Variants in MYT1L observed in about 807,000 individuals in gnomAD.
The protein encoded by MYT1L is myelin transcription factor 1 like, also known as myelin transcription factor 1-like protein.
MYT1L carries 12 observed loss-of-function variants against 126.7 expected under a neutral mutation model. The ratio of observed to expected loss-of-function variants is 0.09; its 90% CI spans 0.06 to 0.15. The LOEUF is 0.15. Ranked by LOEUF, MYT1L falls within the 10% of genes least tolerant of loss-of-function variation. MYT1L has a pLI of 1.00. For missense variants in MYT1L, 979 were observed against 1,585.2 expected (o/e 0.62, Z 6.49); for synonymous variants, 541 against 604.2 (o/e 0.90, Z 1.53).
chr2:2,227,383 G>A (rs144535346), intron 2 of MYT1L, among the ~76,000 whole-genome samples: 30 of 152,204 alleles, frequency 2.0e-4, no homozygotes, highest in Middle Eastern at 3.4e-3. Context: ...AAGCTTCCCC[G>A]TCCACAGTGG....
chr2:2,173,760 G>A (rs1004609158), intron 2 of MYT1L, among the ~76,000 whole-genome samples: 13 of 152,182 alleles, frequency 8.5e-5, no homozygotes, highest in Non-Finnish European at 1.5e-4. Context: ...ATTAAAGTGC[G>A]TCTATGGCAA....
intron 3 of MYT1L, among the ~76,000 whole-genome samples, chr2:2,068,588 A>G (rs1056864699): frequency 2.0e-5 from 3 of 152,276 alleles, no homozygotes; most frequent in Non-Finnish European, 4.4e-5. Context: ...GTAAATAAAC[A>G]TATTGCTAAA....
intron 2 of MYT1L, among the ~76,000 whole-genome samples, chr2:2,234,054 T>C (rs1046366184): frequency 6.6e-6 from 1 of 152,248 alleles, no homozygotes; most frequent in South Asian, 2.1e-4. Flanking sequence ...ACTATGAAAG[T>C]CTATTCAGTG....
In MYT1L at chr2:2,206,596, T is replaced by C. The variant is rs1324304815; in HGVS notation, c.-420-33608A>G. 2.0e-5 allele frequency among the ~76,000 whole-genome samples: 3 copies of C among 152,192 alleles called. No homozygotes were observed. In the East Asian group the frequency reaches 5.8e-4, roughly 29 times the overall value. On this transcript the variant is annotated intron_variant, in intron 2 of 24. Transcript: ENST00000647738. The stretch of plus-strand genomic sequence containing the variant: ...CTGGAATAACTCAGAATCTCAAAAA[T>C]GAAATTAAAACATGGAAATGCATAA...
chr2:1,914,651 G>T (rs1420201768), intron 11 of MYT1L, among the ~76,000 whole-genome samples: 2 of 152,168 alleles, frequency 1.3e-5, no homozygotes. Context: ...TCCACCAAAT[G>T]TGGCCCTGCT....
chr2:2,315,826 A>AT (rs1318475096), intron 1 of MYT1L, among the ~76,000 whole-genome samples: 1 of 152,066 alleles, frequency 6.6e-6, no homozygotes, highest in East Asian at 1.9e-4. Context: ...TTGCCTGTAA[A>AT]TTTTTTTACT....
At chr2:2,240,740 G>A (rs997334894) in intron 2 of MYT1L, among the ~76,000 whole-genome samples, 3 of 152,196 alleles carry the variant, frequency 2.0e-5, no homozygotes, top group African/African-American at 4.8e-5. Flanking sequence ...CACAGAGGCA[G>A]CCCTGAGGTA....
chr2:2,188,522 T>C (rs543989522), intron 2 of MYT1L, among the ~76,000 whole-genome samples: 1 of 152,290 alleles, frequency 6.6e-6, no homozygotes, highest in South Asian at 2.1e-4. Context: ...CATTTCCTAA[T>C]CTATTTAAAA....
intron 4 of MYT1L, among the ~76,000 whole-genome samples, chr2:2,000,134 C>T (rs2062221782): frequency 6.6e-6 from 1 of 152,188 alleles, no homozygotes; most frequent in African/African-American, 2.4e-5. Context: ...ACCTACAGCT[C>T]CCCTCCCTGG....
At chr2:2,174,071 T>C (rs1359493237) in intron 2 of MYT1L, among the ~76,000 whole-genome samples, 1 of 152,168 alleles carries the variant, frequency 6.6e-6, no homozygotes, top group Non-Finnish European at 1.5e-5. Context: ...AAGAACAAAA[T>C]AATGCCAAAA....
chr2:1,898,137 C>T (rs1008545070), intron 14 of MYT1L, among the ~76,000 whole-genome samples: 3 of 152,188 alleles, frequency 2.0e-5, no homozygotes, highest in Non-Finnish European at 4.4e-5. Context: ...CTAGAAATGC[C>T]TATTGCCTTA....
At chr2:2,057,487 C>G (rs766314829) in intron 3 of MYT1L, among the ~76,000 whole-genome samples, 74 of 151,970 alleles carry the variant, frequency 4.9e-4, no homozygotes, top group African/African-American at 1.8e-3. Context: ...CGTCCATCCC[C>G]CTTCCAATTA....
intron 2 of MYT1L, among the ~76,000 whole-genome samples, chr2:2,175,223 C>T (rs561992250): frequency 3.9e-5 from 6 of 152,106 alleles, no homozygotes; most frequent in African/African-American, 9.7e-5. Flanking sequence ...TGCCCACCAC[C>T]CCTGTGGGAC....
chr2:1,942,322 C>T (rs1000688491), intron 9 of MYT1L, among the ~76,000 whole-genome samples: 10 of 152,160 alleles, frequency 6.6e-5, no homozygotes, highest in African/African-American at 1.4e-4. Context: ...AACGCACTGC[C>T]GGGAACATTC....
At chr2:1,931,327 C>G (rs1008616061) in intron 9 of MYT1L, among the ~76,000 whole-genome samples, 4 of 151,704 alleles carry the variant, frequency 2.6e-5, no homozygotes, top group Non-Finnish European at 4.4e-5. Context: ...CTTCCTCCAC[C>G]CTCAGCGATG....
chr2:2,017,167 T>C (rs1338915484), intron 4 of MYT1L, among the ~76,000 whole-genome samples: 3 of 152,166 alleles, frequency 2.0e-5, no homozygotes, highest in Non-Finnish European at 4.4e-5. Context: ...CACTGAGAGT[T>C]GCCCTAGAGA....
chr2:2,280,019 A>T (rs1400808709), intron 2 of MYT1L, among the ~76,000 whole-genome samples: 1 of 152,260 alleles, frequency 6.6e-6, no homozygotes, highest in Non-Finnish European at 1.5e-5. Flanking sequence ...TGGATATAAG[A>T]AGTAGTAAAA....
intron 11 of MYT1L, among the ~76,000 whole-genome samples, chr2:1,916,090 G>T (rs919002458): frequency 6.6e-6 from 1 of 152,116 alleles, no homozygotes; most frequent in South Asian, 2.1e-4. Flanking sequence ...CTTCAGGCTT[G>T]TTCACAAGAT....
At chr2:2,087,784 AG>A (rs1016616070) in intron 3 of MYT1L, among the ~76,000 whole-genome samples, 13 of 152,244 alleles carry the variant, frequency 8.5e-5, no homozygotes, top group African/African-American at 3.1e-4. Flanking sequence ...TCAAGTCAAA[AG>A]AAAAAGGAAA....
Sources: gnomAD v4.1 joint callset for allele counts (sites outside exome capture counted in the v4.1 genomes callset) on GRCh38, gnomAD v4.1.1 for gene constraint, MANE v1.5 for transcripts, NCBI Gene and HGNC (gene_info 2026-07-23, HGNC 2026-07-21) for gene names.